ADAMTS17: variants seen among roughly 807,000 people sequenced by gnomAD.
ADAMTS17 encodes the protein ADAM metallopeptidase with thrombospondin type 1 motif 17.
In ADAMTS17, 113 loss-of-function variants were observed where a neutral mutation model predicts 141.5. That is an observed-to-expected ratio of 0.80 (90% CI 0.69 to 0.93). The LOEUF (loss-of-function observed/expected upper bound fraction) is 0.93. ADAMTS17 is among the 40% of genes least tolerant of loss of function. The pLI is 0.00. For missense variants in ADAMTS17, 1,659 were observed against 1,517.9 expected, an observed-to-expected ratio of 1.09 and a Z score of -1.54; for synonymous variants, 768 against 630.6, an observed-to-expected ratio of 1.22 and a Z score of -3.27.
chr15:100,084,147 T>C (rs143469688), intron 15 of ADAMTS17, among the ~76,000 whole-genome samples: 1 of 152,102 alleles, frequency 6.6e-6, no homozygotes, highest in East Asian at 1.9e-4. Context: ...CCCACCCTAA[T>C]ACCACACTCT....
chr15:100,017,002 C>T (rs374773195), intron 18 of ADAMTS17, among the ~76,000 whole-genome samples: 21 of 152,164 alleles, frequency 1.4e-4, no homozygotes, highest in Middle Eastern at 3.4e-3. Context: ...CAGGGGTGGA[C>T]GCGTCTGAGC....
At chr15:100,134,815 T>G (rs949047575) in intron 10 of ADAMTS17, among the ~76,000 whole-genome samples, 7 of 152,164 alleles carry the variant, frequency 4.6e-5, no homozygotes, top group African/African-American at 1.7e-4. Context: ...AGTGGATGGC[T>G]CAAGTGGAAT....
At chr15:100,314,490 T>C (rs986203224) in intron 3 of ADAMTS17, among the ~76,000 whole-genome samples, 2 of 151,434 alleles carry the variant, frequency 1.3e-5, no homozygotes, top group Non-Finnish European at 2.9e-5. Flanking sequence ...AAAGAGAGGG[T>C]TGAAAGAGGG....
chr15:100,133,328 G>A lies in ADAMTS17; in HGVS notation c.1474-13C>T. 1.3e-6 allele frequency: 2 copies of A among 1,569,414 alleles called. No individual in the cohort carries two copies. Among genetic ancestry groups the A allele is most frequent in the Non-Finnish European group, 8.7e-7 (1 of 1,154,564 alleles). On this transcript the variant is annotated splice_polypyrimidine_tract_variant and intron_variant, in intron 10 of 21. Transcript: ENST00000268070. ...CACACATTAGATGCTGCAGGACAAG[G>A]GAAGGAACCATAATTGTGGAGAACA...
At chr15:100,333,123 C>G (rs1465890374) in intron 2 of ADAMTS17, among the ~76,000 whole-genome samples, 2 of 152,190 alleles carry the variant, frequency 1.3e-5, no homozygotes, top group Admixed American at 1.3e-4. Flanking sequence ...TCCCTGACCT[C>G]TCTTCCCTAA....
chr15:99,982,095 CTT>C (rs67921134), intron 20 of ADAMTS17, among the ~76,000 whole-genome samples: 1,536 of 152,312 alleles, frequency 0.01, 29 homozygotes, highest in African/African-American at 0.035. Flanking sequence ...ATAACAAACT[CTT>C]GTTTGTAGAA....
At chr15:99,983,283 G>GA (rs1019009872) in intron 20 of ADAMTS17, among the ~76,000 whole-genome samples, 5 of 152,164 alleles carry the variant, frequency 3.3e-5, no homozygotes, top group African/African-American at 1.2e-4. Flanking sequence ...CACAGTAGGT[G>GA]CTCAATAAGT....
chr15:99,997,625 G>C lies in ADAMTS17; in HGVS notation c.2592-36C>G. On this transcript the variant is annotated intron_variant, in intron 18 of 21. Coordinates refer to ENST00000268070, the MANE Select transcript of ADAMTS17 (RefSeq NM_139057.4). The surrounding 1 kb of genome is among the most constrained non-coding windows in gnomAD (Gnocchi z 4.7). The stretch of plus-strand genomic sequence containing the variant: ...GGAGGAAAGAGAGAGAGAACGACTG[G>C]GTGAGAGGCCAGCCTCTCCGGAGGG... 6.2e-7 allele frequency: 1 copy of C among 1,611,162 alleles called. No homozygotes were observed. Among genetic ancestry groups the C allele is most frequent in the Non-Finnish European group, 8.5e-7 (1 of 1,179,444 alleles).
chr15:100,286,394 C>T (rs1196127819), intron 3 of ADAMTS17, among the ~76,000 whole-genome samples: 1 of 152,156 alleles, frequency 6.6e-6, no homozygotes, highest in Non-Finnish European at 1.5e-5. Flanking sequence ...TCCACCGCTC[C>T]TATGAAGTAC....
chr15:100,203,479 G>C (rs932193374), intron 7 of ADAMTS17, among the ~76,000 whole-genome samples: 5 of 152,216 alleles, frequency 3.3e-5, no homozygotes, highest in African/African-American at 1.2e-4. Context: ...GACCGAGCAG[G>C]CGGATCATGA....
At position 100,193,558 on chromosome 15, in the gene ADAMTS17, G is replaced by A. The variant is rs944724284; in HGVS notation, c.1181+5760C>T. On this transcript the variant is annotated intron_variant, in intron 8 of 21. Transcript: ENST00000268070. ...CACCTCCAATGTTGCGTCTTCCGCG[G>A]TTCTCCACCTGGGATGTGCGGAATC... Among the ~76,000 whole-genome samples the A allele has an allele frequency of 1.2e-4, 19 of 152,316 alleles. 1 individual carries two copies. The highest frequency in any genetic ancestry group is 5.2e-4 in the Admixed American group (8 of 15,306).
intron 7 of ADAMTS17, among the ~76,000 whole-genome samples, chr15:100,205,854 C>T (rs1055949897): frequency 6.6e-6 from 1 of 152,230 alleles, no homozygotes; most frequent in Admixed American, 6.5e-5. Flanking sequence ...AGCCAAGCCT[C>T]AGGGCCTGAA....
chr15:100,319,757 T>A (rs2045673685), intron 3 of ADAMTS17, among the ~76,000 whole-genome samples: 1 of 151,068 alleles, frequency 6.6e-6, no homozygotes, highest in Admixed American at 6.6e-5. Flanking sequence ...AAAAAAGACT[T>A]CAAATAATTA....
chr15:100,228,272 G>A (rs1279253546), intron 7 of ADAMTS17, among the ~76,000 whole-genome samples: 2 of 152,178 alleles, frequency 1.3e-5, no homozygotes, highest in African/African-American at 4.8e-5. Context: ...ACACCATCCA[G>A]CGCGTGACCT....
intron 7 of ADAMTS17, among the ~76,000 whole-genome samples, chr15:100,205,731 G>A (rs1018015246): frequency 2.0e-5 from 3 of 152,210 alleles, no homozygotes; most frequent in African/African-American, 7.2e-5. Context: ...ATGTGACACA[G>A]GCCTTGCGCC....
chr15:100,063,752 G>A (rs773881988), intron 15 of ADAMTS17: 2 of 1,289,892 alleles, frequency 1.6e-6, no homozygotes, highest in African/African-American at 1.5e-5. Flanking sequence ...CGGCAGCTTC[G>A]ATATAACCTG....
chr15:100,027,250 T>C (rs1197188894), intron 18 of ADAMTS17, among the ~76,000 whole-genome samples: 1 of 151,198 alleles, frequency 6.6e-6, no homozygotes, highest in African/African-American at 2.5e-5. Flanking sequence ...TTTCTGTTTT[T>C]TCTTTCTTTT....
intron 20 of ADAMTS17, chr15:99,978,594 G>A (rs2060416712): frequency 6.6e-6 from 1 of 152,218 alleles, no homozygotes; most frequent in African/African-American, 2.4e-5. Flanking sequence ...GACCTCAGGA[G>A]TCGGCATCAG....
chr15:100,289,739 G>A (rs954204343), intron 3 of ADAMTS17, among the ~76,000 whole-genome samples: 28 of 152,084 alleles, frequency 1.8e-4, no homozygotes, highest in Non-Finnish European at 2.9e-4. Context: ...GTGATTCATC[G>A]CATAAACAGA....
Sources: gnomAD v4.1 joint callset for allele counts (sites outside exome capture counted in the v4.1 genomes callset) on GRCh38, gnomAD v4.1.1 for gene constraint, Gnocchi (gnomAD v3.1) non-coding constraint, MANE v1.5 for transcripts, NCBI Gene and HGNC (gene_info 2026-07-23, HGNC 2026-07-21) for gene names.